SVOP: variants seen among roughly 807,000 people sequenced by gnomAD.
The protein encoded by SVOP is SV2 related protein.
In SVOP, 17 loss-of-function variants were observed where a neutral mutation model predicts 69.1. The observed-to-expected ratio is 0.25, with a 90% CI of 0.17 to 0.37. The LOEUF (loss-of-function observed/expected upper bound fraction) is 0.37, where lower values mean the gene tolerates loss of function less well. Among genes scored for constraint, SVOP ranks in the 10% least tolerant of loss-of-function variants. The pLI is 1.00. For synonymous variants in SVOP, 238 were observed against 238.6 expected, an observed-to-expected ratio of 1.00 and a Z score of 0.02; for missense variants, 435 against 597.5, an observed-to-expected ratio of 0.73 and a Z score of 2.84.
chr12:109,002,977 A>C (rs1175696993), intron 1 of SVOP, among the ~76,000 whole-genome samples: 3 of 113,436 alleles, frequency 2.6e-5, no homozygotes, highest in African/African-American at 3.5e-5. Context: ...TTAAAAAATT[A>C]AAAATAAATA....
At chr12:108,993,315 C>T (rs568617560) in intron 1 of SVOP, among the ~76,000 whole-genome samples, 1 of 151,504 alleles carries the variant, frequency 6.6e-6, no homozygotes, top group Non-Finnish European at 1.5e-5. Context: ...GCTGCAAGAC[C>T]CCATTTCTAA....
intron 1 of SVOP, among the ~76,000 whole-genome samples, chr12:109,000,002 C>CA (rs1437779967): frequency 6.7e-6 from 1 of 150,032 alleles, no homozygotes; most frequent in Non-Finnish European, 1.5e-5. Flanking sequence ...AAAAACCCTT[C>CA]AAAAAATTAA....
In SVOP at chr12:108,938,718, T is replaced by C; in HGVS notation, c.897+109A>G. ...GTGCACGCACACACCCCACCTTGGGTACACATACCCACATGTGTCCTCGCA... is the reference window on the plus strand; with the variant it reads ...GTGCACGCACACACCCCACCTTGGGCACACATACCCACATGTGTCCTCGCA... On this transcript the variant is annotated intron_variant, in intron 9 of 15. Transcript: ENST00000610966. The C allele has an allele frequency of 3.2e-6, 5 of 1,540,824 alleles. No individual in the cohort carries two copies. The South Asian group carries it at 6.2e-5, about 19-fold the overall frequency.
intron 6 of SVOP, among the ~76,000 whole-genome samples, chr12:108,953,334 G>C (rs564204082): frequency 6.6e-6 from 1 of 152,104 alleles, no homozygotes; most frequent in African/African-American, 2.4e-5. Context: ...TTATAGTAGA[G>C]GCAGGGTTTC....
At chr12:108,921,824 A>G (rs1057093547) in intron 12 of SVOP, among the ~76,000 whole-genome samples, 1 of 152,198 alleles carries the variant, frequency 6.6e-6, no homozygotes, top group Non-Finnish European at 1.5e-5. Flanking sequence ...CAGTTTCTTC[A>G]GCTGTAAAAT....
rs1360704080 is a variant in SVOP, at chr12:108,978,678, G to C, written c.197-15C>G. The C allele has an allele frequency of 2.8e-6, 2 of 703,784 alleles. No individual in the cohort carries two copies. Among genetic ancestry groups the C allele is most frequent in the African/African-American group, 1.7e-5 (1 of 57,366 alleles). The allele number at this position is 703,784 out of a possible 1,614,324, so 43.6% of individuals were successfully genotyped here. ...CATGAAAGTATCTGGGAAGGAGAAA[G>C]GGAGAGGGAAGGAAGGAATCAGTGC... is the stretch of plus-strand genomic sequence containing the variant. On this transcript the variant is annotated splice_polypyrimidine_tract_variant and intron_variant, in intron 2 of 15. Coordinates refer to ENST00000610966, the MANE Select transcript of SVOP (RefSeq NM_018711.5).
At chr12:108,986,957 C>G (rs36180928) in intron 1 of SVOP, among the ~76,000 whole-genome samples, 135,246 of 152,158 alleles carry the variant, frequency 0.89, 61,250 homozygotes, top group Non-Finnish European at 0.99. Context: ...AGAAGAAAAT[C>G]GTGAAACAGG....
At chr12:108,995,430 T>C (rs148963445) in intron 1 of SVOP, among the ~76,000 whole-genome samples, 1 of 152,210 alleles carries the variant, frequency 6.6e-6, no homozygotes, top group East Asian at 1.9e-4. Flanking sequence ...ATTCTACCTA[T>C]GTGAGGGGAC....
At position 108,915,939 on chromosome 12, in the gene SVOP, C is replaced by T. The variant is rs181689650; in HGVS notation, c.1351-67G>A. 2.8e-4 allele frequency: 398 copies of T among 1,427,306 alleles called. 3 individuals are homozygous for T. Among genetic ancestry groups the T allele is most frequent in the Middle Eastern group, 2.5e-3 (13 of 5,134 alleles). 88.4% of individuals were successfully genotyped at this position (1,427,306 alleles called of 1,614,324 possible). A position where few individuals can be genotyped will look rare whatever the true frequency, so the allele number is the denominator to read the frequency against. ...TTCCTCCCACCACTCCAGCTCCAAG[C>T]TGATAGGACCAACCTCAGGGGCAGG... is the stretch of plus-strand genomic sequence containing the variant. On this transcript the variant is annotated intron_variant, in intron 14 of 15. Coordinates refer to ENST00000610966, the MANE Select transcript of SVOP (RefSeq NM_018711.5).
intron 1 of SVOP, among the ~76,000 whole-genome samples, chr12:109,019,250 A>C (rs540344839): frequency 6.6e-6 from 1 of 152,132 alleles, no homozygotes; most frequent in African/African-American, 2.4e-5. Flanking sequence ...TAAAAACCTA[A>C]ATTTTTACAT....
intron 1 of SVOP, among the ~76,000 whole-genome samples, chr12:108,986,482 T>C (rs992227766): frequency 2.0e-5 from 3 of 152,240 alleles, no homozygotes; most frequent in African/African-American, 7.2e-5. Flanking sequence ...GAAATATCTT[T>C]GTTTCTGCTG....
At chr12:108,932,946 T>C (rs895498716) in intron 11 of SVOP, among the ~76,000 whole-genome samples, 1 of 152,142 alleles carries the variant, frequency 6.6e-6, no homozygotes, top group Non-Finnish European at 1.5e-5. Flanking sequence ...TGGTGCAATC[T>C]CTGCTCACTG....
Position 108,910,774 on chromosome 12 carries a change from G to A in SVOP, c.*1761C>T, listed in dbSNP as rs2039677054. ...GTCTTTCCCCACTCATTGGAAAGGA[G>A]ATTATCACACTAAAGCATTGAGATG... On this transcript the variant is annotated 3_prime_UTR_variant, in exon 16 of 16. Coordinates refer to ENST00000610966, the MANE Select transcript of SVOP (RefSeq NM_018711.5). The A allele has an allele frequency of 6.6e-6, 1 of 152,214 alleles. No homozygotes were observed. The highest frequency in any genetic ancestry group is 6.5e-5 in the Admixed American group (1 of 15,280). 9.4% of individuals were successfully genotyped at this position (152,214 alleles called of 1,614,324 possible). A position where few individuals can be genotyped will look rare whatever the true frequency, so the allele number is the denominator to read the frequency against.
intron 7 of SVOP, among the ~76,000 whole-genome samples, chr12:108,943,116 T>C (rs1013895089): frequency 6.6e-6 from 1 of 152,062 alleles, no homozygotes; most frequent in African/African-American, 2.4e-5. Context: ...TGTTTCCTAC[T>C]GGGACCCTGA....
intron 2 of SVOP, among the ~76,000 whole-genome samples, chr12:108,982,195 T>C (rs1267638305): frequency 1.3e-5 from 2 of 151,002 alleles, no homozygotes; most frequent in Non-Finnish European, 2.9e-5. Context: ...ATCATCACCA[T>C]CATCATGATC....
intron 12 of SVOP, 35 bp from the exon 13 acceptor site, chr12:108,919,821 G>A (rs376515967): frequency 3.7e-5 from 52 of 1,423,298 alleles, no homozygotes; most frequent in Middle Eastern, 3.8e-4. Context: ...GGCAGCTTCC[G>A]ATGTGATTCC....
intron 1 of SVOP, among the ~76,000 whole-genome samples, chr12:109,001,136 A>G (rs1419031589): frequency 2.0e-3 from 266 of 131,064 alleles, no homozygotes; most frequent in East Asian, 4.0e-3. Context: ...AAATCAATGT[A>G]CAAAAATCAC....
chr12:108,966,479 A>G (rs2040046309), intron 5 of SVOP, among the ~76,000 whole-genome samples: 1 of 151,518 alleles, frequency 6.6e-6, no homozygotes, highest in Non-Finnish European at 1.5e-5. Context: ...CCCGGCAGGA[A>G]TCTTATAGCT....
At chr12:108,914,481 C>T (rs1006658435) in intron 15 of SVOP, among the ~76,000 whole-genome samples, 3 of 152,222 alleles carry the variant, frequency 2.0e-5, no homozygotes, top group African/African-American at 7.2e-5. Flanking sequence ...CAAAATTCTG[C>T]AATGACGTCT....
Sources: allele counts gnomAD v4.1 joint callset (sites outside exome capture counted in the v4.1 genomes callset), GRCh38; gene constraint gnomAD v4.1.1; transcripts MANE v1.5; gene names NCBI Gene and HGNC (gene_info 2026-07-23, HGNC 2026-07-21).